The following CD226 variants were observed in gnomAD, a reference collection of about 807,000 sequenced individuals.
CD226 encodes the protein CD226 molecule.
Under a neutral mutation model 34.9 loss-of-function variants are expected in CD226, and 24 were observed. The ratio of observed to expected loss-of-function variants is 0.69; its 90% CI spans 0.50 to 0.97. CD226 has a LOEUF of 0.97. CD226 is among the 50% of genes least tolerant of loss of function. CD226 has a pLI of 0.00. For missense variants in CD226, 397 were observed against 412.7 expected, an observed-to-expected ratio of 0.96 and a Z score of 0.33; for synonymous variants, 148 against 147.4, an observed-to-expected ratio of 1.00 and a Z score of -0.03.
chr18:69,926,878 G>A (rs2055528402), intron 2 of CD226, among the ~76,000 whole-genome samples: 1 of 152,184 alleles, frequency 6.6e-6, no homozygotes, highest in African/African-American at 2.4e-5. Context: ...AAAGCTCTGT[G>A]TCAACAAATC....
intron 2 of CD226, among the ~76,000 whole-genome samples, chr18:69,938,813 G>A (rs116803069): frequency 0.024 from 3,690 of 152,312 alleles, 143 homozygotes; most frequent in African/African-American, 0.083. Context: ...GGCCAGGCAA[G>A]GTGGCCTATG....
chr18:69,895,551 T>C (rs1215030062), intron 3 of CD226, 150 bp downstream of exon 3: 1 of 659,050 alleles, frequency 1.5e-6, no homozygotes, highest in East Asian at 2.5e-5. Flanking sequence ...AATACTAGAA[T>C]AATGGCCAAC....
intron 3 of CD226, among the ~76,000 whole-genome samples, chr18:69,881,129 CG>C (rs1456036922): frequency 6.6e-6 from 1 of 152,074 alleles, no homozygotes; most frequent in Non-Finnish European, 1.5e-5. Flanking sequence ...AATATCACAG[CG>C]TACCCCCAAA....
Position 69,955,596 on chromosome 18 carries a change from G to A in CD226, c.-28+1159C>T, listed in dbSNP as rs555716940. 5.9e-5 allele frequency among the ~76,000 whole-genome samples: 9 copies of A among 152,222 alleles called. 1 individual carries two copies. In the South Asian group the frequency reaches 1.5e-3, roughly 25 times the overall value. On this transcript the variant is annotated intron_variant, in intron 1 of 6. Coordinates refer to the CD226 transcript ENST00000280200. ...AAGATTTCCACAGGAGGCCGGGTGC[G>A]GTGGCTCACGCCTGTAATCCCAAAG...
At chr18:69,932,788 C>G (rs1471339470) in intron 2 of CD226, among the ~76,000 whole-genome samples, 1 of 152,136 alleles carries the variant, frequency 6.6e-6, no homozygotes, top group Non-Finnish European at 1.5e-5. Context: ...TTCCCACATG[C>G]ACACACATAC....
chr18:69,951,763 T>C (rs2055856036), upstream of CD226, among the ~76,000 whole-genome samples: 1 of 152,114 alleles, frequency 6.6e-6, no homozygotes, highest in Admixed American at 6.5e-5. Context: ...GAAATTGAAA[T>C]GATGATCAAA....
rs2145219395 is a variant in CD226, at chr18:69,886,191, G to A, written c.727+9510C>T. ...TTATTAGTTACCAAGCCTGAGATAAGTCCCGTCAACTCTCCATACCTCACT... is the reference window on the plus strand; with the variant it reads ...TTATTAGTTACCAAGCCTGAGATAAATCCCGTCAACTCTCCATACCTCACT... On this transcript the variant is annotated intron_variant, in intron 3 of 5. Coordinates refer to ENST00000582621, the MANE Select transcript of CD226 (RefSeq NM_001303618.2). Among the ~76,000 whole-genome samples the A allele has an allele frequency of 2.0e-5, 3 of 152,266 alleles. No individual in the cohort carries two copies. The South Asian group carries it at 6.2e-4, about 32-fold the overall frequency.
intron 1 of CD226, among the ~76,000 whole-genome samples, chr18:69,955,581 C>T (rs1290879671): frequency 6.6e-6 from 1 of 152,110 alleles, no homozygotes. Context: ...AAGATTTCCA[C>T]AGGAGGCCGG....
exon 1 of CD226, chr18:69,956,962 G>A (rs1221915631): frequency 6.6e-6 from 1 of 152,164 alleles, no homozygotes; most frequent in Non-Finnish European, 1.5e-5. Context: ...CCATGCTCTT[G>A]AGCTCTTCTC....
chr18:69,901,669 G>T (rs886171157), intron 2 of CD226, among the ~76,000 whole-genome samples: 6 of 152,100 alleles, frequency 3.9e-5, no homozygotes, highest in African/African-American at 1.4e-4. Flanking sequence ...CACGAGGTCA[G>T]GAGATCAAGA....
At chr18:69,952,610 G>A (rs2055863729), upstream of CD226, among the ~76,000 whole-genome samples, 1 of 152,032 alleles carries the variant, frequency 6.6e-6, no homozygotes, top group African/African-American at 2.4e-5. Context: ...ACTCAAAATG[G>A]GTTGACCTAA....
intron 2 of CD226, among the ~76,000 whole-genome samples, chr18:69,941,143 C>T (rs2055719200): frequency 6.6e-6 from 1 of 152,262 alleles, no homozygotes. Flanking sequence ...AGAAAATGTA[C>T]AGAAACACCT....
chr18:69,914,192 T>C (rs1311420132), intron 2 of CD226, among the ~76,000 whole-genome samples: 2 of 152,214 alleles, frequency 1.3e-5, no homozygotes, highest in African/African-American at 4.8e-5. Context: ...CCTTTCTATA[T>C]AATATTTCAG....
upstream of CD226, chr18:69,957,112 A>T (rs1025680323): frequency 6.6e-6 from 1 of 152,200 alleles, no homozygotes; most frequent in South Asian, 2.1e-4. Flanking sequence ...ACTCAGATAA[A>T]GTTCTGTCCC....
At chr18:69,936,117 G>A (rs927588146) in intron 2 of CD226, among the ~76,000 whole-genome samples, 1 of 152,136 alleles carries the variant, frequency 6.6e-6, no homozygotes, top group African/African-American at 2.4e-5. Flanking sequence ...AAAAATCCAA[G>A]CCTGTACCCG....
At chr18:69,949,386 T>C (rs1012828061), upstream of CD226, among the ~76,000 whole-genome samples, 2 of 152,184 alleles carry the variant, frequency 1.3e-5, no homozygotes, top group Non-Finnish European at 2.9e-5. Context: ...TCCATCAGAA[T>C]TGGAAAAATT....
rs1196858619 is a variant in CD226, at chr18:69,856,540, T to C, written c.*7774A>G. 2 of 152,278 alleles carry C rather than the reference T, an allele frequency of 1.3e-5. No homozygotes were observed. Among genetic ancestry groups the C allele is most frequent in the South Asian group, 2.1e-4 (1 of 4,828 alleles). The allele number at this position is 152,278 out of a possible 1,614,324, so 9.4% of individuals were successfully genotyped here. A position where few individuals can be genotyped will look rare whatever the true frequency, so the allele number is the denominator to read the frequency against. ...AGATCACATGAAACATTCTACAAGA[T>C]AGACCATATTCTGGGCCATAAAATA... On this transcript the variant is annotated 3_prime_UTR_variant, in exon 6 of 6. Transcript: ENST00000582621.
chr18:69,915,391 A>T (rs1326720864), intron 2 of CD226, among the ~76,000 whole-genome samples: 2 of 152,220 alleles, frequency 1.3e-5, no homozygotes, highest in Non-Finnish European at 2.9e-5. Context: ...GCCAGAATTC[A>T]TCTAACAGCC....
intron 3 of CD226, among the ~76,000 whole-genome samples, chr18:69,876,614 T>C (rs1012054989): frequency 3.9e-5 from 6 of 152,124 alleles, no homozygotes; most frequent in African/African-American, 1.4e-4. Context: ...AATTGTGTTT[T>C]TTCTCTGCTC....
Sources: gnomAD v4.1 joint callset for allele counts (sites outside exome capture counted in the v4.1 genomes callset) on GRCh38, gnomAD v4.1.1 for gene constraint, MANE v1.5 for transcripts, NCBI Gene and HGNC (gene_info 2026-07-23, HGNC 2026-07-21) for gene names.